The following NLGN1 variants were observed in gnomAD, a reference collection of about 807,000 sequenced individuals.
NLGN1 encodes neuroligin-1.
A neutral mutation model predicts 65.5 loss-of-function variants in NLGN1; 12 were observed. That is an observed-to-expected ratio of 0.18 (90% confidence interval 0.12 to 0.30). The LOEUF is 0.30. Among genes scored for constraint, NLGN1 ranks in the 10% least tolerant of loss-of-function variants. NLGN1 has a pLI of 1.00. For missense variants in NLGN1, 750 were observed against 1,007.1 expected (o/e 0.74, Z 3.46); for synonymous variants, 350 against 359.5 (o/e 0.97, Z 0.30).
At chr3:174,198,721 T>C (rs1199551856) in intron 4 of NLGN1, among the ~76,000 whole-genome samples, 5 of 152,124 alleles carry the variant, frequency 3.3e-5, no homozygotes, top group Non-Finnish European at 5.9e-5. Context: ...ACCTTTATGG[T>C]AATTAAGTGA....
chr3:173,493,162 A>G (rs954066488), intron 2 of NLGN1, among the ~76,000 whole-genome samples: 10 of 151,818 alleles, frequency 6.6e-5, no homozygotes, highest in African/African-American at 2.4e-4. Context: ...TTCATTTTAC[A>G]AACGAAGAAA....
At chr3:174,117,288 A>G (rs1357527614) in intron 4 of NLGN1, among the ~76,000 whole-genome samples, 1 of 151,654 alleles carries the variant, frequency 6.6e-6, no homozygotes, top group African/African-American at 2.4e-5. Context: ...TCTTGAGTTT[A>G]TATATATAAT....
intron 4 of NLGN1, among the ~76,000 whole-genome samples, chr3:173,932,626 A>T (rs1744311137): frequency 6.6e-6 from 1 of 152,180 alleles, no homozygotes; most frequent in South Asian, 2.1e-4. Context: ...CAGCACCTAC[A>T]GTGACTGAGA....
chr3:173,940,962 T>C (rs1455031790), intron 4 of NLGN1, among the ~76,000 whole-genome samples: 2 of 152,240 alleles, frequency 1.3e-5, no homozygotes, highest in Admixed American at 1.3e-4. Context: ...TTCATGATTC[T>C]TACCCCATTT....
chr3:173,960,000 A>G (rs1307356030), intron 4 of NLGN1, among the ~76,000 whole-genome samples: 2 of 152,096 alleles, frequency 1.3e-5, no homozygotes, highest in Non-Finnish European at 2.9e-5. Flanking sequence ...AGATTTGTAT[A>G]TCAGATTACA....
intron 4 of NLGN1, among the ~76,000 whole-genome samples, chr3:173,860,582 G>C (rs1285757528): frequency 6.6e-6 from 1 of 152,142 alleles, no homozygotes; most frequent in Non-Finnish European, 1.5e-5. Context: ...AGTGTCATCA[G>C]TAAATTAGTT....
At chr3:174,213,838 A>G (rs1255448647) in intron 4 of NLGN1, among the ~76,000 whole-genome samples, 1 of 152,158 alleles carries the variant, frequency 6.6e-6, no homozygotes, top group Non-Finnish European at 1.5e-5. Context: ...AAACTATTAC[A>G]TTTTTAGGTG....
At chr3:173,851,723 T>A (rs1457471219) in intron 4 of NLGN1, among the ~76,000 whole-genome samples, 1 of 152,122 alleles carries the variant, frequency 6.6e-6, no homozygotes, top group African/African-American at 2.4e-5. Flanking sequence ...ATATTAAAAT[T>A]TTGATCTAGT....
intron 4 of NLGN1, among the ~76,000 whole-genome samples, chr3:174,080,628 C>G (rs564815967): frequency 6.6e-6 from 1 of 152,182 alleles, no homozygotes; most frequent in South Asian, 2.1e-4. Context: ...AGGCATTCTT[C>G]CCTTACCAGT....
At chr3:173,465,348 T>C (rs937290292) in intron 2 of NLGN1, among the ~76,000 whole-genome samples, 2 of 152,210 alleles carry the variant, frequency 1.3e-5, no homozygotes, top group East Asian at 3.8e-4. Context: ...GCAGGACAAC[T>C]GACTCATCTT....
chr3:173,556,915 T>G (rs949652940), intron 2 of NLGN1, among the ~76,000 whole-genome samples: 1 of 152,176 alleles, frequency 6.6e-6, no homozygotes, highest in Non-Finnish European at 1.5e-5. Context: ...TGCCCCAGAT[T>G]ATGGTATATC....
chr3:174,198,423 A>G (rs1326251439), intron 4 of NLGN1, among the ~76,000 whole-genome samples: 5 of 152,210 alleles, frequency 3.3e-5, no homozygotes, highest in African/African-American at 1.2e-4. Context: ...ACATCCTTAC[A>G]TATAAATATT....
chr3:174,123,135 G>A (rs914928074), intron 4 of NLGN1, among the ~76,000 whole-genome samples: 29 of 152,042 alleles, frequency 1.9e-4, no homozygotes, highest in African/African-American at 6.3e-4. Flanking sequence ...CACCTACCAC[G>A]AGATTTCTGG....
chr3:173,406,729 G>A (rs575761342), intron 1 of NLGN1, among the ~76,000 whole-genome samples: 1 of 151,774 alleles, frequency 6.6e-6, no homozygotes, highest in African/African-American at 2.4e-5. Flanking sequence ...TTTGAAAATT[G>A]CCACTGCTCT....
intron 3 of NLGN1, among the ~76,000 whole-genome samples, chr3:173,671,398 C>T (rs1038017908): frequency 1.3e-5 from 2 of 152,028 alleles, no homozygotes; most frequent in African/African-American, 4.8e-5. Flanking sequence ...GGGAGAATCA[C>T]CTGAGCCCAG....
chr3:173,726,724 G>A (rs1771848406), intron 3 of NLGN1, among the ~76,000 whole-genome samples: 2 of 152,028 alleles, frequency 1.3e-5, no homozygotes, highest in African/African-American at 2.4e-5. Context: ...GCCATAAATA[G>A]TTTTACCTTT....
chr3:173,882,677 T>A (rs1733570416), intron 4 of NLGN1, among the ~76,000 whole-genome samples: 1 of 152,238 alleles, frequency 6.6e-6, no homozygotes. Context: ...GGGCTTACTG[T>A]AGATTAGGCT....
chr3:174,015,208 C>T (rs928945227), intron 4 of NLGN1, among the ~76,000 whole-genome samples: 1 of 152,138 alleles, frequency 6.6e-6, no homozygotes, highest in African/African-American at 2.4e-5. Flanking sequence ...CTTACAGAAG[C>T]TATTATCAAG....
intron 2 of NLGN1, among the ~76,000 whole-genome samples, chr3:173,532,856 A>C (rs949024195): frequency 2.0e-5 from 3 of 152,210 alleles, no homozygotes; most frequent in Non-Finnish European, 4.4e-5. Flanking sequence ...AGGTTGGCTG[A>C]AAGTTCTGCT....
Sources: gnomAD v4.1 joint callset for allele counts (sites outside exome capture counted in the v4.1 genomes callset) on GRCh38, gnomAD v4.1.1 for gene constraint, MANE v1.5 for transcripts, NCBI Gene and HGNC (gene_info 2026-07-23, HGNC 2026-07-21) for gene names.